The following NXPH1 variants were observed in gnomAD, a reference collection of about 807,000 sequenced individuals.
NXPH1 encodes neurexophilin 1.
In NXPH1, 5 loss-of-function variants were observed where a neutral mutation model predicts 23.7. The ratio of observed to expected loss-of-function variants is 0.21; its 90% CI spans 0.11 to 0.44. The LOEUF is 0.44. Among genes scored for constraint, NXPH1 ranks in the 20% least tolerant of loss-of-function variants. The pLI, the probability that NXPH1 is intolerant of heterozygous loss-of-function variation, is 0.99. For synonymous variants in NXPH1, 144 were observed against 122.2 expected (o/e 1.18, Z -1.18); for missense variants, 324 against 321.6 (o/e 1.01, Z -0.06).
intron 2 of NXPH1, among the ~76,000 whole-genome samples, chr7:8,656,507 G>GTT (rs200902214): frequency 3.9e-4 from 53 of 136,794 alleles, no homozygotes; most frequent in African/African-American, 1.5e-3. Context: ...TAGAGTTAAT[G>GTT]TTTTTTTTTT....
intron 2 of NXPH1, among the ~76,000 whole-genome samples, chr7:8,535,800 A>G (rs144930890): frequency 6.6e-6 from 1 of 152,142 alleles, no homozygotes; most frequent in East Asian, 1.9e-4. Context: ...ACAATTTTGA[A>G]AAAGCTGGAT....
At chr7:8,539,727 C>G (rs1205411785) in intron 2 of NXPH1, among the ~76,000 whole-genome samples, 1 of 151,730 alleles carries the variant, frequency 6.6e-6, no homozygotes, top group Admixed American at 6.6e-5. Flanking sequence ...TTACCAGACA[C>G]ATGTCCACAA....
At chr7:8,662,705 G>C (rs1820697284) in intron 2 of NXPH1, among the ~76,000 whole-genome samples, 1 of 151,960 alleles carries the variant, frequency 6.6e-6, no homozygotes, top group Non-Finnish European at 1.5e-5. Flanking sequence ...AGTCAGGGCT[G>C]GCTGGCTGAC....
At chr7:8,566,456 G>C (rs1199943248) in intron 2 of NXPH1, among the ~76,000 whole-genome samples, 2 of 151,830 alleles carry the variant, frequency 1.3e-5, no homozygotes, top group Admixed American at 6.6e-5. Context: ...TGGCATGTGA[G>C]TTTGAGTGGA....
chr7:8,455,235 A>G (rs1294268947), intron 2 of NXPH1, among the ~76,000 whole-genome samples: 2 of 152,204 alleles, frequency 1.3e-5, no homozygotes, highest in Non-Finnish European at 2.9e-5. Context: ...CTGTGTTTGC[A>G]GAATTGTGGC....
intron 2 of NXPH1, among the ~76,000 whole-genome samples, chr7:8,526,774 C>A (rs1415418566): frequency 6.6e-6 from 1 of 152,118 alleles, no homozygotes; most frequent in Non-Finnish European, 1.5e-5. Context: ...TGAGGCCTCC[C>A]CAGCCATGTG....
intron 2 of NXPH1, among the ~76,000 whole-genome samples, chr7:8,520,937 C>A (rs4472426): frequency 0.24 from 36,189 of 152,048 alleles, 4,414 homozygotes; most frequent in East Asian, 0.3. Context: ...ATTGAGACAG[C>A]CACAAGAAAT....
intron 2 of NXPH1, among the ~76,000 whole-genome samples, chr7:8,738,557 C>T (rs186350887): frequency 2.0e-5 from 3 of 152,160 alleles, no homozygotes; most frequent in African/African-American, 7.2e-5. Context: ...AGGTGTCTGT[C>T]GACCCCTGCT....
intron 2 of NXPH1, among the ~76,000 whole-genome samples, chr7:8,749,987 C>T (rs1487549629): frequency 2.6e-5 from 4 of 152,086 alleles, no homozygotes; most frequent in Admixed American, 6.5e-5. Flanking sequence ...TTTTGCGGTC[C>T]TAGGAGAACA....
chr7:8,703,271 A>G (rs1779655458), intron 2 of NXPH1, among the ~76,000 whole-genome samples: 1 of 151,974 alleles, frequency 6.6e-6, no homozygotes, highest in Non-Finnish European at 1.5e-5. Context: ...ATATTTCTCA[A>G]TACTTAGTCA....
At chr7:8,618,008 C>A (rs1437020842) in intron 2 of NXPH1, among the ~76,000 whole-genome samples, 6 of 151,966 alleles carry the variant, frequency 3.9e-5, no homozygotes, top group Non-Finnish European at 8.8e-5. Context: ...ATTATGTACC[C>A]ACAAAAGTTA....
rs114547581 is a variant in NXPH1, at chr7:8,646,181, A to G, written c.55-104827A>G. Among the ~76,000 whole-genome samples, 819 of 152,242 alleles carry G rather than the reference A, an allele frequency of 5.4e-3. 8 individuals are homozygous for G. Among genetic ancestry groups the G allele is most frequent in the African/African-American group, 0.019 (771 of 41,582 alleles). On this transcript the variant is annotated intron_variant, in intron 2 of 2. Coordinates refer to ENST00000405863, the MANE Select transcript of NXPH1 (RefSeq NM_152745.3). ...TTCAGCAAAGATTTTAACTTTTTCT[A>G]TGATGACCCTGTGTCACTTTTCTTA...
intron 2 of NXPH1, among the ~76,000 whole-genome samples, chr7:8,445,682 T>C (rs1816392628): frequency 6.6e-6 from 1 of 152,248 alleles, no homozygotes; most frequent in African/African-American, 2.4e-5. Flanking sequence ...CACATACACA[T>C]ATACACAAAG....
intron 2 of NXPH1, among the ~76,000 whole-genome samples, chr7:8,621,503 T>TTTTTTTTTTTTTTTTTTTTTTTTTTTG: frequency 6.6e-6 from 1 of 151,946 alleles, no homozygotes; most frequent in Admixed American, 6.6e-5. Flanking sequence ...TTTTTTTTTT[T>TTTTTTTTTTTTTTTTTTTTTTTTTTTG]TGAGGTGAAG....
intron 2 of NXPH1, among the ~76,000 whole-genome samples, chr7:8,554,564 G>A (rs900849170): frequency 4.6e-5 from 7 of 151,700 alleles, no homozygotes; most frequent in African/African-American, 1.7e-4. Flanking sequence ...TGTTATCTAT[G>A]TTCCACATAC....
intron 2 of NXPH1, among the ~76,000 whole-genome samples, chr7:8,448,140 G>T (rs1816437503): frequency 6.6e-6 from 1 of 152,194 alleles, no homozygotes. Context: ...GTGACTTTGG[G>T]CAAGCTTAAC....
intron 2 of NXPH1, among the ~76,000 whole-genome samples, chr7:8,519,763 G>A (rs755670846): frequency 3.3e-5 from 5 of 152,000 alleles, no homozygotes; most frequent in Admixed American, 6.5e-5. Flanking sequence ...AAATAAGAAG[G>A]CAAACAAAAG....
intron 2 of NXPH1, among the ~76,000 whole-genome samples, chr7:8,524,432 G>A (rs989924855): frequency 1.3e-5 from 2 of 152,022 alleles, no homozygotes; most frequent in Non-Finnish European, 2.9e-5. Flanking sequence ...TGCAGGATCT[G>A]CTTCAGAGGT....
At position 8,461,843 on chromosome 7, in the gene NXPH1, A is replaced by AAAAAAGAAAAAAAAAG. The variant is rs1554423598; in HGVS notation, c.54+26081_54+26082insGAAAAAAAAAGAAAAA. 2.0e-3 allele frequency among the ~76,000 whole-genome samples: 241 copies of AAAAAAGAAAAAAAAAG among 121,472 alleles called. 11 individuals are homozygous for AAAAAAGAAAAAAAAAG. Among genetic ancestry groups the AAAAAAGAAAAAAAAAG allele is most frequent in the African/African-American group, 6.8e-3 (228 of 33,382 alleles). The allele number at this position is 121,472 out of a possible 152,430, so 79.7% of individuals were successfully genotyped here. A position where few individuals can be genotyped will look rare whatever the true frequency, so the allele number is the denominator to read the frequency against. ...CAGAGCGAGACTCCGTCTCAAAAAA[A>AAAAAAGAAAAAAAAAG]AAAAAAAAGAATAAACACACAAGTG... On this transcript the variant is annotated intron_variant, in intron 2 of 2. Transcript: ENST00000405863.
Sources: gnomAD v4.1 joint callset for allele counts (sites outside exome capture counted in the v4.1 genomes callset) on GRCh38, gnomAD v4.1.1 for gene constraint, MANE v1.5 for transcripts, NCBI Gene and HGNC (gene_info 2026-07-23, HGNC 2026-07-21) for gene names.